The following RAI14 variants were observed in gnomAD, a reference collection of about 807,000 sequenced individuals.
The protein encoded by RAI14 is ankycorbin.
A neutral mutation model predicts 115.4 loss-of-function variants in RAI14; 45 were observed. That is an observed-to-expected ratio of 0.39 (90% CI 0.31 to 0.50). The LOEUF is 0.50. Ranked by LOEUF, RAI14 falls within the 20% of genes least tolerant of loss-of-function variation. The pLI is 0.85. For synonymous variants in RAI14, 371 were observed against 415.4 expected, an observed-to-expected ratio of 0.89 and a Z score of 1.30; for missense variants, 939 against 1,131.2, an observed-to-expected ratio of 0.83 and a Z score of 2.44.
intron 2 of RAI14, chr5:34,733,197 A>G (rs1744416063): frequency 6.6e-6 from 1 of 152,234 alleles, no homozygotes; most frequent in Non-Finnish European, 1.5e-5. Flanking sequence ...CCAGAATTAT[A>G]TATACACCTG....
intron 12 of RAI14, among the ~76,000 whole-genome samples, chr5:34,816,435 A>C (rs1467496339): frequency 6.6e-6 from 1 of 152,160 alleles, no homozygotes; most frequent in Non-Finnish European, 1.5e-5. Context: ...TATAAAAGTA[A>C]TATGTATTTA....
At chr5:34,758,295 G>T (rs1352284024) in intron 3 of RAI14, among the ~76,000 whole-genome samples, 1 of 152,204 alleles carries the variant, frequency 6.6e-6, no homozygotes, top group Non-Finnish European at 1.5e-5. Context: ...AAATAATAAT[G>T]TAGGTTGGGT....
Position 34,688,151 on chromosome 5 carries a change from C to A in RAI14, c.36+1196C>A. 1.9e-6 allele frequency: 3 copies of A among 1,539,384 alleles called. No individual in the cohort carries two copies. In the South Asian group the frequency reaches 3.7e-5, roughly 19 times the overall value. On this transcript the variant is annotated intron_variant, in intron 2 of 17. Coordinates refer to ENST00000265109, the MANE Select transcript of RAI14 (RefSeq NM_015577.3). ...TGTTGGCCAGAGTGAAAGTCCTGGTCATCCGACTTCCGAGAAACCTCCTTC... is the reference window on the plus strand; with the variant it reads ...TGTTGGCCAGAGTGAAAGTCCTGGTAATCCGACTTCCGAGAAACCTCCTTC...
intron 5 of RAI14, among the ~76,000 whole-genome samples, 165 bp downstream of exon 5, chr5:34,803,941 A>C (rs554015970): frequency 6.6e-6 from 1 of 152,300 alleles, no homozygotes; most frequent in African/African-American, 2.4e-5. Flanking sequence ...GCCAAGGAGA[A>C]GACTGTCTCC....
At chr5:34,740,650 G>A (rs539696992) in intron 2 of RAI14, among the ~76,000 whole-genome samples, 39 of 152,258 alleles carry the variant, frequency 2.6e-4, no homozygotes, top group Admixed American at 1.8e-3. Context: ...TGGGGAGACC[G>A]TGATGAAGAG....
chr5:34,770,961 T>C lies in RAI14; in HGVS notation c.167+13363T>C, dbSNP rs574703586. Among the ~76,000 whole-genome samples, 190 of 152,290 alleles carry C rather than the reference T, an allele frequency of 1.2e-3. 1 individual carries two copies. The Middle Eastern group carries it at 0.024, about 19-fold the overall frequency. ...AGGTGGTCAGGATACAAGGCTCCTG[T>C]TGCAGAACTGAGATGCTGAGGCTCT... On this transcript the variant is annotated intron_variant, in intron 3 of 17. Coordinates refer to ENST00000265109, the MANE Select transcript of RAI14 (RefSeq NM_015577.3).
At chr5:34,781,109 C>T (rs1251120281) in intron 3 of RAI14, among the ~76,000 whole-genome samples, 1 of 151,234 alleles carries the variant, frequency 6.6e-6, no homozygotes, top group Non-Finnish European at 1.5e-5. Context: ...TCTCAGCAAA[C>T]TATCACAAGG....
chr5:34,676,712 TG>T (rs1322257901), intron 1 of RAI14, among the ~76,000 whole-genome samples: 1 of 152,212 alleles, frequency 6.6e-6, no homozygotes, highest in Admixed American at 6.5e-5. Context: ...ATGATATATT[TG>T]GTTTCCAAGA....
intron 1 of RAI14, among the ~76,000 whole-genome samples, chr5:34,658,237 A>G (rs1357087127): frequency 1.3e-5 from 2 of 152,170 alleles, no homozygotes; most frequent in African/African-American, 4.8e-5. Context: ...TGAGCCCCCT[A>G]GGGATTCCGT....
chr5:34,819,885 G>A (rs971820882), intron 13 of RAI14, among the ~76,000 whole-genome samples: 8 of 152,158 alleles, frequency 5.3e-5, no homozygotes, highest in African/African-American at 1.2e-4. Flanking sequence ...TTATAGGCAT[G>A]AGCCACCACA....
intron 3 of RAI14, among the ~76,000 whole-genome samples, chr5:34,769,760 C>T (rs984366198): frequency 9.8e-5 from 15 of 152,290 alleles, no homozygotes; most frequent in African/African-American, 3.4e-4. Flanking sequence ...CAGACTCACT[C>T]GGTAGCCCAG....
intron 2 of RAI14, among the ~76,000 whole-genome samples, chr5:34,746,267 G>A (rs1288030864): frequency 3.3e-5 from 5 of 151,248 alleles, no homozygotes; most frequent in East Asian, 3.9e-4. Flanking sequence ...CACCATGCCC[G>A]GCTAATTTTT....
intron 3 of RAI14, among the ~76,000 whole-genome samples, chr5:34,793,271 A>G (rs2150199741): frequency 6.6e-6 from 1 of 152,358 alleles, no homozygotes; most frequent in Non-Finnish European, 1.5e-5. Context: ...AATCATTTGT[A>G]GAATATCATA....
chr5:34,828,268 G>T (rs1757644533), intron 16 of RAI14, among the ~76,000 whole-genome samples: 2 of 152,140 alleles, frequency 1.3e-5, no homozygotes, highest in South Asian at 4.1e-4. Context: ...AATGATAGAG[G>T]CAGGGCTACA....
chr5:34,820,691 A>G (rs1214153226), intron 13 of RAI14, among the ~76,000 whole-genome samples: 2 of 152,200 alleles, frequency 1.3e-5, no homozygotes, highest in African/African-American at 4.8e-5. Context: ...TTCAGCTGAC[A>G]TATCTTTTGT....
rs1458093841 is a variant in RAI14 at position 34,811,818 on chromosome 5, C to T, written c.609C>T (p.Ala203=). Residue 203 remains alanine, a synonymous_variant, in exon 9 of 18, where the codon GCC becomes GCT. Transcript: ENST00000265109. ...TTGGCAGCTCTAACGCTGTGGAAGC[C>T]TTAATTAAAAAGGGTGCAGACCTAA... The part of the protein sequence containing the change: ...CEIGSSNAVE[A]LIKKGADLNL... The T allele has an allele frequency of 1.5e-5, 25 of 1,613,372 alleles. No individual in the cohort carries two copies. The highest frequency in any genetic ancestry group is 2.1e-5 in the Non-Finnish European group (25 of 1,179,810).
At chr5:34,665,964 C>G (rs1036302351) in intron 1 of RAI14, among the ~76,000 whole-genome samples, 3 of 152,176 alleles carry the variant, frequency 2.0e-5, no homozygotes, top group African/African-American at 7.2e-5. Flanking sequence ...TTTTTAGGAT[C>G]TATTTCTATT....
chr5:34,803,245 C>A (rs555352494), intron 4 of RAI14, among the ~76,000 whole-genome samples: 1 of 152,298 alleles, frequency 6.6e-6, no homozygotes, highest in African/African-American at 2.4e-5. Flanking sequence ...ATTCTTCCCA[C>A]TCGCAAGAAT....
intron 3 of RAI14, 37 bp downstream of exon 3, chr5:34,757,635 TG>T (rs1561320012): frequency 6.4e-7 from 1 of 1,568,218 alleles, no homozygotes; most frequent in Middle Eastern, 2.2e-4. Flanking sequence ...ATGCTGGTTC[TG>T]GGTTTTTGGG....
Sources: allele counts gnomAD v4.1 joint callset (sites outside exome capture counted in the v4.1 genomes callset), GRCh38; gene constraint gnomAD v4.1.1; transcripts MANE v1.5; gene names NCBI Gene and HGNC (gene_info 2026-07-23, HGNC 2026-07-21).